Variants in TMOD2 observed in about 807,000 individuals in gnomAD.
TMOD2 encodes the protein tropomodulin 2, also known as tropomodulin-2.
A neutral mutation model predicts 39.9 loss-of-function variants in TMOD2; 22 were observed. The ratio of observed to expected loss-of-function variants is 0.55; its 90% confidence interval spans 0.39 to 0.79. The LOEUF is 0.79. Among genes scored for constraint, TMOD2 ranks in the 30% least tolerant of loss-of-function variants. TMOD2 has a pLI of 0.00. For synonymous variants in TMOD2, 123 were observed against 146.1 expected, an observed-to-expected ratio of 0.84 and a Z score of 1.14; for missense variants, 386 against 413.3, an observed-to-expected ratio of 0.93 and a Z score of 0.57.
rs2056165371 is a variant in TMOD2, at chr15:51,812,880, C to T, written c.*4426C>T. 2 of 152,280 alleles carry T rather than the reference C, an allele frequency of 1.3e-5. No homozygotes were observed. The highest frequency in any genetic ancestry group is 2.1e-4 in the South Asian group (1 of 4,820). The allele number at this position is 152,280 out of a possible 1,614,324, so 9.4% of individuals were successfully genotyped here. A position where few individuals can be genotyped will look rare whatever the true frequency, so the allele number is the denominator to read the frequency against. Reference sequence around the variant, plus strand: ...TCCACTTGCAGCTTCCCTTTACCTCCTCTTATTGCTTTCATCTCAAATATC... The same window carrying T: ...TCCACTTGCAGCTTCCCTTTACCTCTTCTTATTGCTTTCATCTCAAATATC... On this transcript the variant is annotated 3_prime_UTR_variant, in exon 10 of 10. Coordinates refer to ENST00000249700, the MANE Select transcript of TMOD2 (RefSeq NM_014548.4).
At chr15:51,772,013 C>G (rs1344222492) in intron 3 of TMOD2, among the ~76,000 whole-genome samples, 1 of 152,168 alleles carries the variant, frequency 6.6e-6, no homozygotes, top group East Asian at 1.9e-4. Context: ...GTGCCCAGCT[C>G]TGACACACTC....
chr15:51,785,973 T>G (rs1444851388), intron 7 of TMOD2, among the ~76,000 whole-genome samples: 2 of 152,210 alleles, frequency 1.3e-5, no homozygotes, highest in East Asian at 3.8e-4. Context: ...TTTAAACATT[T>G]TTAATTTATT....
At chr15:51,776,096 C>T (rs903029275) in intron 4 of TMOD2, among the ~76,000 whole-genome samples, 1 of 152,176 alleles carries the variant, frequency 6.6e-6, no homozygotes, top group Non-Finnish European at 1.5e-5. Context: ...CCCTCTTCAC[C>T]GGGTCCTTGC....
chr15:51,773,578 A>T, intron 3 of TMOD2, 134 bp from the exon 4 acceptor site: 1 of 798,440 alleles, frequency 1.3e-6, no homozygotes, highest in Non-Finnish European at 1.9e-6. Context: ...CTGGCAATCC[A>T]GGAATCTCGG....
In TMOD2 at chr15:51,795,312, G is replaced by A. The variant is rs536599573; in HGVS notation, c.733-2885G>A. ...GTGGTGGCCCATGCCTGTAGTCCCA[G>A]CAACTTGGGAGGCTGGGGCAGGAGA... On this transcript the variant is annotated intron_variant, in intron 7 of 9. Transcript: ENST00000249700. Among the ~76,000 whole-genome samples, 8 of 151,922 alleles carry A rather than the reference G, an allele frequency of 5.3e-5. No individual in the cohort carries two copies. The South Asian group carries it at 1.7e-3, about 32-fold the overall frequency.
rs1213940110 is a variant in TMOD2 at position 51,778,467 on chromosome 15, C to A, written c.493+1449C>A. 2.0e-5 allele frequency among the ~76,000 whole-genome samples: 3 copies of A among 147,486 alleles called. No homozygotes were observed. In the East Asian group the frequency reaches 5.9e-4, roughly 29 times the overall value. ...TAACTTGCACAATGTGCACATGTACCCTAAAACTTAAAGTATAATAATAAT... is the reference window on the plus strand; with the variant it reads ...TAACTTGCACAATGTGCACATGTACACTAAAACTTAAAGTATAATAATAAT... On this transcript the variant is annotated intron_variant, in intron 5 of 9. Coordinates refer to ENST00000249700, the MANE Select transcript of TMOD2 (RefSeq NM_014548.4).
At chr15:51,773,128 C>T (rs1278232428) in intron 3 of TMOD2, among the ~76,000 whole-genome samples, 4 of 152,134 alleles carry the variant, frequency 2.6e-5, no homozygotes, top group Non-Finnish European at 5.9e-5. Context: ...CCACAAATAG[C>T]CTCCCCTTGA....
chr15:51,786,054 A>G (rs1003316134), intron 7 of TMOD2, among the ~76,000 whole-genome samples: 7 of 152,176 alleles, frequency 4.6e-5, no homozygotes, highest in African/African-American at 1.4e-4. Flanking sequence ...ATACATATAT[A>G]TATTCATTTA....
At chr15:51,770,459 G>A (rs937438862) in intron 3 of TMOD2, among the ~76,000 whole-genome samples, 2 of 152,076 alleles carry the variant, frequency 1.3e-5, no homozygotes, top group South Asian at 2.1e-4. Flanking sequence ...GGCATGGGAG[G>A]CACTTGATAA....
chr15:51,751,629 C>A lies in TMOD2; in HGVS notation c.-153C>A, dbSNP rs1398459126. Reference sequence around the variant, plus strand: ...GCCGCGCTCGCCCCGGCCACGGCGCCGCCCCTGTTCTCCCGGCCCCGCTCC... The same window carrying A: ...GCCGCGCTCGCCCCGGCCACGGCGCAGCCCCTGTTCTCCCGGCCCCGCTCC... On this transcript the variant is annotated 5_prime_UTR_variant, in exon 1 of 10. Coordinates refer to ENST00000249700, the MANE Select transcript of TMOD2 (RefSeq NM_014548.4). 2 of 193,872 alleles carry A rather than the reference C, an allele frequency of 1.0e-5. No individual in the cohort carries two copies. Among genetic ancestry groups the A allele is most frequent in the African/African-American group, 2.3e-5 (1 of 42,720 alleles). The allele number at this position is 193,872 out of a possible 1,614,324, so 12.0% of individuals were successfully genotyped here.
intron 3 of TMOD2, among the ~76,000 whole-genome samples, chr15:51,771,293 G>A (rs147889669): frequency 1.1e-4 from 17 of 152,286 alleles, no homozygotes; most frequent in South Asian, 2.1e-4. Flanking sequence ...CAGGAGCAGC[G>A]GGAGGCTACT....
chr15:51,786,508 G>T (rs1256084875), intron 7 of TMOD2, among the ~76,000 whole-genome samples: 1 of 152,136 alleles, frequency 6.6e-6, no homozygotes, highest in East Asian at 1.9e-4. Context: ...AAGGCTGTTT[G>T]GCATTCAATC....
At chr15:51,799,501 G>A (rs1406035649) in intron 8 of TMOD2, among the ~76,000 whole-genome samples, 1 of 142,422 alleles carries the variant, frequency 7.0e-6, no homozygotes, top group African/African-American at 2.5e-5. Context: ...GACTAATGAT[G>A]TTTGTTGCCA....
chr15:51,767,218 G>A (rs1344501861), intron 2 of TMOD2: 2 of 152,110 alleles, frequency 1.3e-5, no homozygotes, highest in African/African-American at 2.4e-5. Context: ...TAGAGACGGG[G>A]TTTCGCCAGG....
chr15:51,787,993 A>C (rs1452038995), intron 7 of TMOD2, among the ~76,000 whole-genome samples: 1 of 152,244 alleles, frequency 6.6e-6, no homozygotes, highest in African/African-American at 2.4e-5. Flanking sequence ...AAAACTGGAC[A>C]GAGAATGAGT....
At chr15:51,799,450 A>G (rs2056074078) in intron 8 of TMOD2, among the ~76,000 whole-genome samples, 1 of 152,236 alleles carries the variant, frequency 6.6e-6, no homozygotes, top group Admixed American at 6.5e-5. Flanking sequence ...TTTGCTAACC[A>G]GGACAAGCAG....
Position 51,766,535 on chromosome 15 carries a change from T to C in TMOD2, c.94T>C (p.Leu32=), listed in dbSNP as rs1006832203. ...GKLSEEELKQ[L]ENVLDDLDPE... is the part of the protein sequence containing the mutation. ...ACTCTCAGAAGAGGAACTGAAACAG[T>C]TGGAAAATGTTCTAGATGACCTAGA... is the stretch of plus-strand genomic sequence containing the variant. The change falls in exon 2 of 10, where the codon TTG becomes CTG. Residue 32 remains leucine, a synonymous_variant. Coordinates refer to ENST00000249700, the MANE Select transcript of TMOD2 (RefSeq NM_014548.4). The C allele has an allele frequency of 2.9e-5, 47 of 1,614,076 alleles. No homozygotes were observed. Among genetic ancestry groups the C allele is most frequent in the Non-Finnish European group, 3.8e-5 (45 of 1,179,998 alleles).
chr15:51,799,532 T>C (rs2056074737), intron 8 of TMOD2, among the ~76,000 whole-genome samples: 1 of 152,056 alleles, frequency 6.6e-6, no homozygotes, highest in Non-Finnish European at 1.5e-5. Context: ...GAAAGCCCAC[T>C]AGGAGAGAGG....
At chr15:51,796,140 G>A (rs914595812) in intron 7 of TMOD2, among the ~76,000 whole-genome samples, 1 of 151,910 alleles carries the variant, frequency 6.6e-6, no homozygotes, top group African/African-American at 2.4e-5. Context: ...CATTTCTCCT[G>A]CAGTTGTATC....
Sources: allele counts gnomAD v4.1 joint callset (sites outside exome capture counted in the v4.1 genomes callset), GRCh38; gene constraint gnomAD v4.1.1; transcripts MANE v1.5; gene names NCBI Gene and HGNC (gene_info 2026-07-23, HGNC 2026-07-21).